Variants in DNM2 observed in about 807,000 individuals in gnomAD.
DNM2 encodes the protein dynamin-2.
In DNM2, 15 loss-of-function variants were observed where a neutral mutation model predicts 99.0. That is an observed-to-expected ratio of 0.15 (90% CI 0.10 to 0.23). DNM2 has a LOEUF of 0.23. Ranked by LOEUF, DNM2 falls within the 10% of genes least tolerant of loss-of-function variation. The probability of loss-of-function intolerance (pLI) is 1.00; values close to 1 mark genes in which losing one functional copy is unlikely to be tolerated. For synonymous variants in DNM2, 525 were observed against 481.2 expected, an observed-to-expected ratio of 1.09 and a Z score of -1.19; for missense variants, 742 against 1,189.4, an observed-to-expected ratio of 0.62 and a Z score of 5.53.
chr19:10,737,229 C>T (rs112616029), intron 1 of DNM2, among the ~76,000 whole-genome samples: 3 of 152,100 alleles, frequency 2.0e-5, no homozygotes, highest in Non-Finnish European at 4.4e-5. Flanking sequence ...ATGATGTTCT[C>T]ATGCAGGTGA....
rs148155942 is a variant in DNM2 at position 10,820,463 on chromosome 19, A to G, written c.1781+374A>G. ...AGGGCAAAGGCCGCTGCCTTGTCCA[A>G]GTGGGCGATGATGGGGCCAGAACCC... On this transcript the variant is annotated intron_variant, in intron 16 of 20. Coordinates refer to ENST00000389253, the MANE Select transcript of DNM2 (RefSeq NM_001005361.3). The surrounding 1 kb of genome is among the most constrained non-coding windows in gnomAD (Gnocchi z 4.3). Among the ~76,000 whole-genome samples, 39 of 152,346 alleles carry G rather than the reference A, an allele frequency of 2.6e-4. No individual in the cohort carries two copies. The highest frequency in any genetic ancestry group is 9.1e-4 in the African/African-American group (38 of 41,582).
Position 10,772,508 on chromosome 19 carries a change from A to G in DNM2, c.265A>G (p.Lys89Glu). The G allele has an allele frequency of 6.2e-7, 1 of 1,614,132 alleles. No individual in the cohort carries two copies. ...EHAEFLHCKSKKFTDFDEVRQ... is the reference protein window; with the variant it reads ...EHAEFLHCKSEKFTDFDEVRQ... ...TGCCGAGTTTTTGCACTGCAAGTCC[A>G]AAAAGTTTACAGACTTTGATGAAGT... The change falls in exon 3 of 21, where the codon AAA becomes GAA. Residue 89 changes from lysine to glutamate, a missense_variant. Transcript: ENST00000389253. The surrounding 1 kb of genome is among the most constrained non-coding windows in gnomAD (Gnocchi z 4.9).
At chr19:10,756,784 G>C (rs1317955705) in intron 1 of DNM2, among the ~76,000 whole-genome samples, 1 of 151,934 alleles carries the variant, frequency 6.6e-6, no homozygotes, top group Non-Finnish European at 1.5e-5. Context: ...CCTGCCCTCA[G>C]GTTGTGACCA....
In DNM2 at chr19:10,774,575, C is replaced by T. The variant is rs538725806; in HGVS notation, c.386-1128C>T. Among the ~76,000 whole-genome samples, 189 of 152,046 alleles carry T rather than the reference C, an allele frequency of 1.2e-3. 1 individual carries two copies. Among genetic ancestry groups the T allele is most frequent in the Admixed American group, 2.3e-3 (35 of 15,278 alleles). On this transcript the variant is annotated intron_variant, in intron 3 of 20. Transcript: ENST00000389253. ...CTGAGTAGCTGGGATTACAGGCATG[C>T]GCCACCTCACCCGGCTAATTTTGTA...
At chr19:10,741,036 G>A (rs950687243) in intron 1 of DNM2, among the ~76,000 whole-genome samples, 3 of 152,118 alleles carry the variant, frequency 2.0e-5, no homozygotes, top group South Asian at 2.1e-4. Flanking sequence ...CACATGATAA[G>A]AATGTGTATT....
chr19:10,778,729 TC>T (rs2071241324), intron 5 of DNM2, among the ~76,000 whole-genome samples: 1 of 152,028 alleles, frequency 6.6e-6, no homozygotes, highest in Non-Finnish European at 1.5e-5. Context: ...TTCAAATACT[TC>T]CCCTTGCCAT....
At position 10,831,182 on chromosome 19, in the gene DNM2, G is replaced by C; in HGVS notation, c.*135G>C. On this transcript the variant is annotated 3_prime_UTR_variant, in exon 21 of 21. Transcript: ENST00000389253. This position sits in a 1 kb window ranked among gnomAD's most constrained non-coding sequence, Gnocchi z 4.3. ...CAGCCCTGGCCTCTTCCTTAACGCTGGCCCCGGTCCAGGGCCGGCCCCTGT... is the reference window on the plus strand; with the variant it reads ...CAGCCCTGGCCTCTTCCTTAACGCTCGCCCCGGTCCAGGGCCGGCCCCTGT... The C allele has an allele frequency of 7.1e-7, 1 of 1,415,048 alleles. No homozygotes were observed. The highest frequency in any genetic ancestry group is 9.2e-7 in the Non-Finnish European group (1 of 1,087,602). The allele number at this position is 1,415,048 out of a possible 1,614,324, so 87.7% of individuals were successfully genotyped here.
chr19:10,753,894 C>T (rs1394879920), intron 1 of DNM2, among the ~76,000 whole-genome samples: 2 of 152,026 alleles, frequency 1.3e-5, no homozygotes, highest in African/African-American at 2.4e-5. Context: ...TGACCTCAAA[C>T]GATCCACCCA....
At chr19:10,822,691 G>T (rs185081755) in intron 16 of DNM2, among the ~76,000 whole-genome samples, 1 of 151,780 alleles carries the variant, frequency 6.6e-6, no homozygotes, top group Admixed American at 6.6e-5. Flanking sequence ...TATTGACGGG[G>T]TTTCACCATG....
intron 1 of DNM2, among the ~76,000 whole-genome samples, chr19:10,742,155 C>T (rs1227329316): frequency 6.6e-6 from 1 of 152,048 alleles, no homozygotes; most frequent in Non-Finnish European, 1.5e-5. Flanking sequence ...TCTAGTTTTT[C>T]CCCTCCTGCC....
At position 10,816,312 on chromosome 19, in the gene DNM2, T is replaced by G. The variant is rs1250986295; in HGVS notation, c.1672-3668T>G. Among the ~76,000 whole-genome samples the G allele has an allele frequency of 6.6e-6, 1 of 152,154 alleles. No individual in the cohort carries two copies. The highest frequency in any genetic ancestry group is 2.4e-5 in the African/African-American group (1 of 41,432). On this transcript the variant is annotated intron_variant, in intron 15 of 20. Coordinates refer to ENST00000389253, the MANE Select transcript of DNM2 (RefSeq NM_001005361.3). This position sits in a 1 kb window ranked among gnomAD's most constrained non-coding sequence, Gnocchi z 4.6. ...CAGACGCTCATCTCTGGAATGTTCC[T>G]GAAACCTCAGGAGCCCTGAGGCTTC...
chr19:10,795,248 G>T lies in DNM2; in HGVS notation c.1129-124G>T. 2 of 903,472 alleles carry T rather than the reference G, an allele frequency of 2.2e-6. No individual in the cohort carries two copies. Among genetic ancestry groups the T allele is most frequent in the South Asian group, 1.3e-5 (1 of 74,692 alleles). The allele number at this position is 903,472 out of a possible 1,614,324, so 56.0% of individuals were successfully genotyped here. A position where few individuals can be genotyped will look rare whatever the true frequency, so the allele number is the denominator to read the frequency against. Reference sequence around the variant, plus strand: ...TTTTCAATTTTTTAAATAAAATTTTGACGAGTTAAATATTCTGCCTTGTGA... The same window carrying T: ...TTTTCAATTTTTTAAATAAAATTTTTACGAGTTAAATATTCTGCCTTGTGA... On this transcript the variant is annotated intron_variant, in intron 8 of 20. Transcript: ENST00000389253. The surrounding 1 kb of genome is among the most constrained non-coding windows in gnomAD (Gnocchi z 4.2).
At chr19:10,727,193 C>T (rs562683650) in intron 1 of DNM2, among the ~76,000 whole-genome samples, 2 of 152,086 alleles carry the variant, frequency 1.3e-5, no homozygotes, top group Non-Finnish European at 2.9e-5. Context: ...AAGCTGCGCT[C>T]TAGGCTGTCC....
At chr19:10,744,297 G>A (rs2069879811) in intron 1 of DNM2, among the ~76,000 whole-genome samples, 1 of 152,210 alleles carries the variant, frequency 6.6e-6, no homozygotes, top group African/African-American at 2.4e-5. Context: ...GCGAAACAGA[G>A]GAGGAGGGGA....
intron 13 of DNM2, among the ~76,000 whole-genome samples, chr19:10,807,389 G>A (rs896193705): frequency 5.9e-5 from 9 of 151,874 alleles, no homozygotes; most frequent in African/African-American, 2.2e-4. Context: ...ACAGGCGCCC[G>A]CCAGCACGCC....
intron 1 of DNM2, among the ~76,000 whole-genome samples, chr19:10,738,750 A>T (rs1239868334): frequency 6.6e-6 from 1 of 151,850 alleles, no homozygotes; most frequent in African/African-American, 2.4e-5. Context: ...GGTGCCTGTA[A>T]TCCCAGCTAC....
chr19:10,736,885 C>T (rs1599445138), intron 1 of DNM2, among the ~76,000 whole-genome samples: 2 of 152,210 alleles, frequency 1.3e-5, no homozygotes, highest in Non-Finnish European at 1.5e-5. Flanking sequence ...CCGTGGCTTA[C>T]GCTGTAATCC....
Position 10,812,221 on chromosome 19 carries a change from G to T in DNM2, c.1558-43G>T, listed in dbSNP as rs1410612282. On this transcript the variant is annotated intron_variant, in intron 14 of 20. Coordinates refer to ENST00000389253, the MANE Select transcript of DNM2 (RefSeq NM_001005361.3). The surrounding 1 kb of genome is among the most constrained non-coding windows in gnomAD (Gnocchi z 4.0). Reference sequence around the variant, plus strand: ...GCTGCTGCGCTGGGGGATGGCTGGGGCACGGAGCGAGGTTCCCTGCTAAGC... The same window carrying T: ...GCTGCTGCGCTGGGGGATGGCTGGGTCACGGAGCGAGGTTCCCTGCTAAGC... 3.3e-6 allele frequency: 5 copies of T among 1,521,220 alleles called. No homozygotes were observed. The highest frequency in any genetic ancestry group is 2.7e-6 in the Non-Finnish European group (3 of 1,121,914). The allele number at this position is 1,521,220 out of a possible 1,614,324, so 94.2% of individuals were successfully genotyped here.
At chr19:10,781,157 T>C (rs1055418204) in intron 5 of DNM2, among the ~76,000 whole-genome samples, 1 of 152,024 alleles carries the variant, frequency 6.6e-6, no homozygotes, top group African/African-American at 2.4e-5. Flanking sequence ...GCCACTGCAA[T>C]GCAGAATGGG....
Sources: allele counts gnomAD v4.1 joint callset (sites outside exome capture counted in the v4.1 genomes callset), GRCh38; gene constraint gnomAD v4.1.1; non-coding constraint Gnocchi (gnomAD v3.1); transcripts MANE v1.5; gene names NCBI Gene and HGNC (gene_info 2026-07-23, HGNC 2026-07-21).